The following RPH3A variants were observed in gnomAD, a reference collection of about 807,000 sequenced individuals.
The protein encoded by RPH3A is rabphilin-3A.
RPH3A carries 48 observed loss-of-function variants against 102.2 expected under a neutral mutation model. That is an observed-to-expected ratio of 0.47 (90% CI 0.37 to 0.60). The LOEUF (loss-of-function observed/expected upper bound fraction) is 0.60, where lower values mean the gene tolerates loss of function less well. Ranked by LOEUF, RPH3A falls within the 20% of genes least tolerant of loss-of-function variation. The pLI is 0.00. For synonymous variants in RPH3A, 310 were observed against 324.3 expected, an observed-to-expected ratio of 0.96 and a Z score of 0.47; for missense variants, 781 against 910.1, an observed-to-expected ratio of 0.86 and a Z score of 1.83.
intron 18 of RPH3A, 127 bp from the exon 19 acceptor site, chr12:112,890,722 C>G: frequency 9.7e-7 from 1 of 1,031,000 alleles, no homozygotes; most frequent in Non-Finnish European, 1.4e-6. Context: ...TCTGCTGTCC[C>G]TGGTACTGGC....
intron 3 of RPH3A, among the ~76,000 whole-genome samples, chr12:112,835,544 G>C (rs898216652): frequency 6.6e-6 from 1 of 152,130 alleles, no homozygotes; most frequent in Admixed American, 6.5e-5. Context: ...GCATCTGGCT[G>C]CTTGATTGCT....
chr12:112,830,103 A>T (rs2041944650), intron 3 of RPH3A, among the ~76,000 whole-genome samples: 1 of 152,144 alleles, frequency 6.6e-6, no homozygotes, highest in African/African-American at 2.4e-5. Context: ...TAACTTTCTA[A>T]ATACTTGGGT....
intron 5 of RPH3A, among the ~76,000 whole-genome samples, chr12:112,853,589 G>T (rs1243172813): frequency 6.6e-6 from 1 of 152,194 alleles, no homozygotes; most frequent in Non-Finnish European, 1.5e-5. Context: ...AGCACTTTGG[G>T]AGGCCGAGGC....
At chr12:112,886,347 G>A (rs2043002069) in intron 16 of RPH3A, among the ~76,000 whole-genome samples, 1 of 152,044 alleles carries the variant, frequency 6.6e-6, no homozygotes, top group Admixed American at 6.6e-5. Context: ...TCCATGAACT[G>A]GGGTAGGGAG....
intron 1 of RPH3A, among the ~76,000 whole-genome samples, chr12:112,634,890 G>A (rs1008907289): frequency 6.6e-6 from 1 of 152,194 alleles, no homozygotes; most frequent in African/African-American, 2.4e-5. Context: ...AGCCTGGGAG[G>A]AGGTGAAAAT....
intron 1 of RPH3A, among the ~76,000 whole-genome samples, chr12:112,774,973 G>GA (rs914330385): frequency 1.3e-5 from 2 of 149,396 alleles, no homozygotes; most frequent in African/African-American, 2.5e-5. Context: ...AAATAAAAAT[G>GA]AAAAAAAGAA....
intron 1 of RPH3A, among the ~76,000 whole-genome samples, chr12:112,619,407 T>G (rs1038973969): frequency 2.6e-5 from 4 of 151,990 alleles, no homozygotes; most frequent in African/African-American, 7.3e-5. Flanking sequence ...TGCCTCAGCC[T>G]CCTGAGTAGC....
In RPH3A at chr12:112,870,018, G is replaced by A. The variant is rs2042681398; in HGVS notation, c.775G>A (p.Asp259Asn). Residue 259 changes from aspartate (D) to asparagine (N), a missense_variant, in exon 10 of 22, where the codon GAC (aspartate) becomes AAC (asparagine). Asp to Asn is a conservative substitution (Grantham distance 23). Around this residue, in one of 2 missense-constraint regions of RPH3A, gnomAD observed 730 missense variants for 810.0 expected, o/e 0.90. Coordinates refer to ENST00000389385, the MANE Select transcript of RPH3A (RefSeq NM_001143854.2). The stretch of plus-strand genomic sequence containing the variant: ...CTGGGACCACAGTGGGGGTGCTGGA[G>A]ACTCCAGCCGGAGCCCAGCAGGTGA... ...ESWDHSGGAG[D>N]SSRSPAGLRR... is the part of the protein sequence containing the mutation. 2 of 1,613,762 alleles carry A rather than the reference G, an allele frequency of 1.2e-6. No individual in the cohort carries two copies. The highest frequency in any genetic ancestry group is 1.3e-5 in the African/African-American group (1 of 74,996).
chr12:112,779,711 A>G (rs1271877539), intron 1 of RPH3A, among the ~76,000 whole-genome samples: 2 of 152,128 alleles, frequency 1.3e-5, no homozygotes, highest in African/African-American at 2.4e-5. Flanking sequence ...CCTCCACTGT[A>G]TGGAGGGTTG....
chr12:112,776,154 C>A (rs1484759565), intron 1 of RPH3A, among the ~76,000 whole-genome samples: 1 of 152,186 alleles, frequency 6.6e-6, no homozygotes, highest in Non-Finnish European at 1.5e-5. Flanking sequence ...ATCATTTAAT[C>A]ATTCATTTAC....
chr12:112,581,524 G>A (rs2039401065), intron 1 of RPH3A, among the ~76,000 whole-genome samples: 1 of 152,142 alleles, frequency 6.6e-6, no homozygotes, highest in African/African-American at 2.4e-5. Context: ...AAATGAGCAG[G>A]TCCACAAATG....
chr12:112,598,267 A>G (rs1374563066), intron 1 of RPH3A, among the ~76,000 whole-genome samples: 1 of 152,188 alleles, frequency 6.6e-6, no homozygotes, highest in Non-Finnish European at 1.5e-5. Context: ...TCTCATTGAC[A>G]CTTCTGACCT....
At chr12:112,683,253 G>T (rs2040239453) in intron 1 of RPH3A, among the ~76,000 whole-genome samples, 1 of 152,110 alleles carries the variant, frequency 6.6e-6, no homozygotes, top group African/African-American at 2.4e-5. Context: ...TTTTGTAGCA[G>T]GTTGAAGATT....
At chr12:112,811,827 T>C (rs2041581701) in intron 2 of RPH3A, among the ~76,000 whole-genome samples, 1 of 152,164 alleles carries the variant, frequency 6.6e-6, no homozygotes, top group Non-Finnish European at 1.5e-5. Context: ...TTACTCAAAC[T>C]AGTTCAAGTG....
intron 1 of RPH3A, among the ~76,000 whole-genome samples, chr12:112,736,014 G>T (rs2040667123): frequency 6.6e-6 from 1 of 152,120 alleles, no homozygotes; most frequent in African/African-American, 2.4e-5. Context: ...TGCATAGGCT[G>T]TTCCCTCTGC....
intron 1 of RPH3A, among the ~76,000 whole-genome samples, chr12:112,730,283 G>T (rs1296891485): frequency 3.3e-5 from 5 of 152,210 alleles, no homozygotes; most frequent in African/African-American, 1.2e-4. Flanking sequence ...ACTGGTTGAG[G>T]TCAACACGGA....
intron 1 of RPH3A, among the ~76,000 whole-genome samples, chr12:112,582,806 G>T (rs1024063176): frequency 2.0e-5 from 3 of 152,104 alleles, no homozygotes; most frequent in Admixed American, 2.0e-4. Context: ...GTCATGTCTG[G>T]ATTTACATAA....
At chr12:112,701,824 A>G (rs138489457) in intron 1 of RPH3A, among the ~76,000 whole-genome samples, 2 of 152,250 alleles carry the variant, frequency 1.3e-5, no homozygotes, top group Non-Finnish European at 2.9e-5. Context: ...CACATTTTCT[A>G]TGTTGACAGT....
At chr12:112,792,991 G>A (rs750116085) in intron 2 of RPH3A, among the ~76,000 whole-genome samples, 2 of 152,174 alleles carry the variant, frequency 1.3e-5, no homozygotes, top group Non-Finnish European at 2.9e-5. Context: ...ACTAGCTTGG[G>A]AGATTCTATC....
Sources: gnomAD v4.1 joint callset for allele counts (sites outside exome capture counted in the v4.1 genomes callset) on GRCh38, gnomAD v4.1.1 for gene constraint, gnomAD v4.1.1 regional missense constraint, MANE v1.5 for transcripts, NCBI Gene and HGNC (gene_info 2026-07-23, HGNC 2026-07-21) for gene names.